The following KRTAP2-2 variants were observed in gnomAD, a reference collection of about 807,000 sequenced individuals.
KRTAP2-2 encodes the protein putative keratin-associated protein ENSP00000381495.
A neutral mutation model predicts 10.2 loss-of-function variants in KRTAP2-2; 3 were observed. The ratio of observed to expected loss-of-function variants is 0.29; its 90% CI spans 0.13 to 0.76. The LOEUF is 0.76. Ranked by LOEUF, KRTAP2-2 falls within the 30% of genes least tolerant of loss-of-function variation. KRTAP2-2 has a pLI of 0.67. For synonymous variants in KRTAP2-2, 20 were observed against 70.8 expected (o/e 0.28, Z 3.60); for missense variants, 54 against 163.6 (o/e 0.33, Z 3.65).
At chr17:41,054,624 G>A in exon 1 of KRTAP2-2, 1 of 1,364,836 alleles carries the variant, frequency 7.3e-7, no homozygotes, top group Non-Finnish European at 9.8e-7. Context: ...TGCATAGTGT[G>A]AGCTAGTATG....
At chr17:41,054,769 C>A (rs1165464119) in exon 1 of KRTAP2-2, 1 of 1,540,606 alleles carries the variant, frequency 6.5e-7, no homozygotes, top group East Asian at 2.4e-5. Flanking sequence ...GGAGGTCCTG[C>A]AGGTGGTGCT....
exon 1 of KRTAP2-2, chr17:41,054,667 T>C: frequency 4.0e-6 from 6 of 1,509,726 alleles, no homozygotes; most frequent in South Asian, 3.7e-5. Context: ...CAAGGAAACG[T>C]GTATTGCTCT....
At chr17:41,054,687 C>G in exon 1 of KRTAP2-2, 5 of 1,530,474 alleles carry the variant, frequency 3.3e-6, no homozygotes, top group Non-Finnish European at 4.4e-6. Context: ...TGCGGTGAAG[C>G]CCTGAGGGGC....
At chr17:41,054,696 G>T in exon 1 of KRTAP2-2, 1 of 1,533,376 alleles carries the variant, frequency 6.5e-7, no homozygotes, top group South Asian at 1.2e-5. Flanking sequence ...GCCCTGAGGG[G>T]CAGCGGGATG....
rs1371732726 is a variant in KRTAP2-2 at position 41,055,086 on chromosome 17, G to A, written c.126C>T (p.Arg42=). The A allele has an allele frequency of 3.1e-6, 4 of 1,285,224 alleles. No individual in the cohort carries two copies. In the African/African-American group the frequency reaches 4.8e-5, roughly 15 times the overall value. 79.6% of individuals were successfully genotyped at this position (1,285,224 alleles called of 1,614,324 possible). The stretch of plus-strand genomic sequence containing the variant: ...TGCAGCGGGGCACGCAGGTCACGGG[G>A]CGGCACACGGTGGTCTGGCAGGTCA... The change falls in exon 1 of 1, where the codon CGC becomes CGT. Residue 42 remains arginine (R), a synonymous_variant. Transcript: ENST00000398477.
At chr17:41,055,094 C>A in exon 1 of KRTAP2-2, 1 of 1,296,652 alleles carries the variant, frequency 7.7e-7, no homozygotes, top group Non-Finnish European at 1.0e-6. Context: ...GGGCGGCACA[C>A]GGTGGTCTGG....
At chr17:41,054,994 C>T (rs1211452663) in exon 1 of KRTAP2-2, 15 of 1,121,934 alleles carry the variant, frequency 1.3e-5, no homozygotes, top group East Asian at 5.1e-5. Context: ...GGGGCGGCAG[C>T]AGCCTTCCTG....
chr17:41,055,147 G>A, exon 1 of KRTAP2-2: 2 of 1,374,088 alleles, frequency 1.5e-6, no homozygotes, highest in Non-Finnish European at 1.9e-6. Context: ...GCAGCAGCAG[G>A]GCTGGCAGCA....
exon 1 of KRTAP2-2, chr17:41,054,732 T>C: frequency 6.5e-7 from 1 of 1,537,988 alleles, no homozygotes; most frequent in Non-Finnish European, 8.7e-7. Flanking sequence ...TGAGGGGCCC[T>C]TCGTGATAAC....
exon 1 of KRTAP2-2, chr17:41,054,665 C>G (rs1209328702): frequency 5.3e-6 from 8 of 1,505,784 alleles, no homozygotes; most frequent in Admixed American, 4.0e-5. Flanking sequence ...CTCAAGGAAA[C>G]GTGTATTGCT....
chr17:41,054,711 T>C, exon 1 of KRTAP2-2: 1 of 1,536,854 alleles, frequency 6.5e-7, no homozygotes, highest in Non-Finnish European at 8.7e-7. Flanking sequence ...GGGATGGACC[T>C]GGCCATCTTC....
exon 1 of KRTAP2-2, chr17:41,054,581 T>C: frequency 1.0e-6 from 1 of 959,018 alleles, no homozygotes. Flanking sequence ...AAAGTATTTC[T>C]CATCTGTGGT....
exon 1 of KRTAP2-2, chr17:41,055,183 A>G (rs2013054693): frequency 7.1e-7 from 1 of 1,410,944 alleles, no homozygotes; most frequent in African/African-American, 1.5e-5. Flanking sequence ...CAGGGAGGAG[A>G]AGGTGGAGCC....
At chr17:41,055,177 G>C (rs901746765) in exon 1 of KRTAP2-2, 1 of 1,411,192 alleles carries the variant, frequency 7.1e-7, no homozygotes, top group African/African-American at 1.5e-5. Flanking sequence ...GTAGCTCAGG[G>C]AGGAGAAGGT....
At chr17:41,055,106 A>G (rs1225241021) in exon 1 of KRTAP2-2, 1 of 1,307,466 alleles carries the variant, frequency 7.6e-7, no homozygotes, top group Non-Finnish European at 1.0e-6. Context: ...GTGGTCTGGC[A>G]GGTCACGGGG....
At chr17:41,054,718 C>A (rs1332835311) in exon 1 of KRTAP2-2, 4 of 1,537,960 alleles carry the variant, frequency 2.6e-6, no homozygotes, top group Non-Finnish European at 2.6e-6. Flanking sequence ...ACCTGGCCAT[C>A]TTCTGAGGGG....
chr17:41,054,549 G>A, exon 1 of KRTAP2-2: 2 of 691,994 alleles, frequency 2.9e-6, no homozygotes, highest in Non-Finnish European at 2.4e-6. Context: ...CATGATATAG[G>A]AGTTAGACTG....
In KRTAP2-2 at chr17:41,054,640, A is replaced by G. The variant is rs555896733; in HGVS notation, c.*200T>C. On this transcript the variant is annotated 3_prime_UTR_variant, in exon 1 of 1. Transcript: ENST00000398477. ...GCATAGTGTGAGCTAGTATGAAGAG[A>G]TGAGAAATGGGCTTCTCAAGGAAAC... 4.0e-5 allele frequency: 57 copies of G among 1,435,460 alleles called. 1 individual carries two copies. In the African/African-American group the frequency reaches 7.4e-4, roughly 19 times the overall value. 88.9% of individuals were successfully genotyped at this position (1,435,460 alleles called of 1,614,324 possible).
chr17:41,054,587 G>C, exon 1 of KRTAP2-2: 1 of 999,422 alleles, frequency 1.0e-6, no homozygotes, highest in Non-Finnish European at 1.4e-6. Context: ...TTTCTCATCT[G>C]TGGTTGGTCT....
Sources: allele counts gnomAD v4.1 joint callset, GRCh38; gene constraint gnomAD v4.1.1; transcripts MANE v1.5; gene names NCBI Gene and HGNC (gene_info 2026-07-23, HGNC 2026-07-21).